The following SPATA16 variants were observed in gnomAD, a reference collection of about 807,000 sequenced individuals.
SPATA16 encodes the protein spermatogenesis-associated protein 16.
A neutral mutation model predicts 63.3 loss-of-function variants in SPATA16; 36 were observed. That is an observed-to-expected ratio of 0.57 (90% CI 0.44 to 0.75). The LOEUF (loss-of-function observed/expected upper bound fraction) is 0.75, where lower values mean the gene tolerates loss of function less well. SPATA16 is among the 30% of genes least tolerant of loss of function. SPATA16 has a pLI of 0.00. For missense variants in SPATA16, 646 were observed against 679.3 expected, an observed-to-expected ratio of 0.95 and a Z score of 0.54; for synonymous variants, 203 against 216.7, an observed-to-expected ratio of 0.94 and a Z score of 0.56.
intron 10 of SPATA16, among the ~76,000 whole-genome samples, chr3:172,900,095 A>G (rs1690071171): frequency 6.6e-6 from 1 of 152,076 alleles, no homozygotes; most frequent in African/African-American, 2.4e-5. Context: ...AAACTTTCTT[A>G]AGCTATTCTT....
chr3:173,044,589 A>T (rs989758179), intron 3 of SPATA16, among the ~76,000 whole-genome samples: 1 of 152,220 alleles, frequency 6.6e-6, no homozygotes, highest in African/African-American at 2.4e-5. Flanking sequence ...TCGAAGATCT[A>T]TATCTGGTTC....
chr3:173,009,657 T>A (rs1233892356), intron 4 of SPATA16, among the ~76,000 whole-genome samples: 1 of 152,248 alleles, frequency 6.6e-6, no homozygotes, highest in Non-Finnish European at 1.5e-5. Context: ...AGACCGCACC[T>A]CTGCTGCTGC....
At chr3:173,009,372 A>C (rs1379114563) in intron 4 of SPATA16, among the ~76,000 whole-genome samples, 3 of 152,196 alleles carry the variant, frequency 2.0e-5, no homozygotes, top group Admixed American at 6.5e-5. Context: ...AGGGTGATTG[A>C]ATAAGAGCTC....
At chr3:172,950,512 A>G (rs1286867689) in intron 6 of SPATA16, among the ~76,000 whole-genome samples, 1 of 152,196 alleles carries the variant, frequency 6.6e-6, no homozygotes, top group East Asian at 1.9e-4. Context: ...TTAATTCTAT[A>G]ACTTTTTCTA....
chr3:172,916,286 A>G (rs1398335886), intron 9 of SPATA16, 31 bp downstream of exon 9: 13 of 1,604,188 alleles, frequency 8.1e-6, no homozygotes, highest in Non-Finnish European at 1.1e-5. Context: ...CTCTGGGCCT[A>G]TGAAACCCTT....
intron 8 of SPATA16, among the ~76,000 whole-genome samples, chr3:172,917,373 A>C (rs548539177): frequency 2.6e-4 from 40 of 152,312 alleles, no homozygotes; most frequent in African/African-American, 9.6e-4. Context: ...TTTCTGCTGC[A>C]TTTAGAGGGT....
At chr3:172,937,693 T>C (rs1733040102) in intron 6 of SPATA16, among the ~76,000 whole-genome samples, 1 of 152,208 alleles carries the variant, frequency 6.6e-6, no homozygotes, top group South Asian at 2.1e-4. Flanking sequence ...AGTGTAAATA[T>C]ATATACCCAG....
chr3:172,903,638 GA>G, intron 10 of SPATA16, among the ~76,000 whole-genome samples: 1 of 152,324 alleles, frequency 6.6e-6, no homozygotes, highest in Non-Finnish European at 1.5e-5. Flanking sequence ...GTATACTGCA[GA>G]AATGTCTAGA....
chr3:172,933,558 G>T (rs1732916686), intron 6 of SPATA16, among the ~76,000 whole-genome samples: 1 of 152,174 alleles, frequency 6.6e-6, no homozygotes, highest in Non-Finnish European at 1.5e-5. Context: ...AGCACTTGAG[G>T]GCATGGCAGA....
chr3:173,128,618 G>A (rs894812208), intron 1 of SPATA16, among the ~76,000 whole-genome samples: 4 of 152,100 alleles, frequency 2.6e-5, no homozygotes, highest in African/African-American at 4.8e-5. Context: ...CATATGCTCC[G>A]CCTCCTGACT....
intron 2 of SPATA16, among the ~76,000 whole-genome samples, chr3:173,092,634 A>G (rs1479207186): frequency 6.6e-6 from 1 of 152,104 alleles, no homozygotes; most frequent in African/African-American, 2.4e-5. Context: ...GCCAAAACCC[A>G]GATTCTCCCC....
intron 9 of SPATA16, among the ~76,000 whole-genome samples, chr3:172,915,778 A>G (rs1419670433): frequency 2.0e-5 from 3 of 152,130 alleles, no homozygotes; most frequent in African/African-American, 7.2e-5. Flanking sequence ...AGCTAAAAAA[A>G]CCCCATCTAT....
Position 172,987,563 on chromosome 3 carries a change from C to T in SPATA16, c.849-10511G>A, listed in dbSNP as rs62282604. Among the ~76,000 whole-genome samples the T allele has an allele frequency of 2.4e-3, 360 of 152,186 alleles. 2 individuals are homozygous for T. Among genetic ancestry groups the T allele is most frequent in the Middle Eastern group, 6.8e-3 (2 of 294 alleles). On this transcript the variant is annotated intron_variant, in intron 4 of 10. Transcript: ENST00000351008. ...ACATGGATCCTGAAATTTTATTTAA[C>T]GTTTTGTGGGATCAAAGGAAAGGAA...
chr3:172,974,017 G>A (rs1268109802), intron 5 of SPATA16, among the ~76,000 whole-genome samples: 1 of 152,178 alleles, frequency 6.6e-6, no homozygotes, highest in African/African-American at 2.4e-5. Flanking sequence ...ATCCCAGTGT[G>A]AGCTGTCATA....
intron 1 of SPATA16, among the ~76,000 whole-genome samples, chr3:173,118,890 A>G (rs1297281172): frequency 6.6e-6 from 1 of 152,258 alleles, no homozygotes; most frequent in Non-Finnish European, 1.5e-5. Context: ...AGGGCTGCAT[A>G]TAATAAGATA....
intron 2 of SPATA16, among the ~76,000 whole-genome samples, chr3:173,108,655 C>T (rs528698076): frequency 1.3e-4 from 20 of 152,272 alleles, no homozygotes; most frequent in Admixed American, 3.3e-4. Flanking sequence ...TGCTGCATAA[C>T]GATGTTTTGG....
chr3:172,961,083 T>TG (rs71622404), intron 5 of SPATA16, among the ~76,000 whole-genome samples: 11,638 of 139,880 alleles, frequency 0.083, 1,209 homozygotes, highest in East Asian at 0.13. Flanking sequence ...CCTTCCTTCC[T>TG]TCCTTCCTTC....
intron 4 of SPATA16, among the ~76,000 whole-genome samples, chr3:172,977,666 A>G (rs2108251596): frequency 6.6e-6 from 1 of 152,274 alleles, no homozygotes; most frequent in South Asian, 2.1e-4. Flanking sequence ...TGTGCAATGG[A>G]TATTAATTCA....
chr3:173,045,258 T>C (rs1426437320), intron 3 of SPATA16, among the ~76,000 whole-genome samples: 1 of 152,090 alleles, frequency 6.6e-6, no homozygotes, highest in Non-Finnish European at 1.5e-5. Flanking sequence ...GGTGAGACTG[T>C]AGTTTAACTT....
Sources: allele counts gnomAD v4.1 joint callset (sites outside exome capture counted in the v4.1 genomes callset), GRCh38; gene constraint gnomAD v4.1.1; transcripts MANE v1.5; gene names NCBI Gene and HGNC (gene_info 2026-07-23, HGNC 2026-07-21).